Variants in SLC30A8 observed in about 807,000 individuals in gnomAD.
SLC30A8 encodes solute carrier family 30 member 8.
In SLC30A8, 27 loss-of-function variants were observed where a neutral mutation model predicts 36.9. The observed-to-expected ratio is 0.73, with a 90% confidence interval of 0.54 to 1.01. SLC30A8 has a LOEUF of 1.01. Ranked by LOEUF, SLC30A8 falls within the 50% of genes least tolerant of loss-of-function variation. The pLI is 0.00. For synonymous variants in SLC30A8, 164 were observed against 172.4 expected, an observed-to-expected ratio of 0.95 and a Z score of 0.38; for missense variants, 439 against 452.0, an observed-to-expected ratio of 0.97 and a Z score of 0.26.
At chr8:117,024,334 A>G (rs1344546565) in intron 1 of SLC30A8, among the ~76,000 whole-genome samples, 1 of 152,206 alleles carries the variant, frequency 6.6e-6, no homozygotes, top group African/African-American at 2.4e-5. Flanking sequence ...TAATTCTTTG[A>G]GCTATTACAA....
At chr8:117,085,436 A>T (rs1818838766) in intron 2 of SLC30A8, among the ~76,000 whole-genome samples, 1 of 152,184 alleles carries the variant, frequency 6.6e-6, no homozygotes, top group African/African-American at 2.4e-5. Flanking sequence ...TGATGTCTAC[A>T]CTAAATGGAA....
intron 1 of SLC30A8, among the ~76,000 whole-genome samples, chr8:117,018,673 C>CT (rs1273478052): frequency 7.2e-5 from 9 of 124,896 alleles, no homozygotes; most frequent in Admixed American, 7.1e-4. Flanking sequence ...GCCCCCCCCC[C>CT]CCTTTTTTTT....
intron 1 of SLC30A8, among the ~76,000 whole-genome samples, chr8:116,991,154 G>T (rs536394738): frequency 6.6e-6 from 1 of 152,046 alleles, no homozygotes; most frequent in African/African-American, 2.4e-5. Context: ...CTTTACGAAT[G>T]AGATTCTAGA....
chr8:117,171,194 G>GA, intron 7 of SLC30A8, 26 bp downstream of exon 7: 1 of 1,612,514 alleles, frequency 6.2e-7, no homozygotes. Flanking sequence ...AAACACCCTG[G>GA]AAAAAATTCA....
chr8:117,144,950 C>T (rs1309889458), intron 1 of SLC30A8, among the ~76,000 whole-genome samples: 2 of 152,090 alleles, frequency 1.3e-5, no homozygotes, highest in Non-Finnish European at 2.9e-5. Flanking sequence ...AATCCACATG[C>T]ACATCAAGAC....
chr8:116,983,287 T>C (rs1815338167), intron 1 of SLC30A8, among the ~76,000 whole-genome samples: 1 of 152,178 alleles, frequency 6.6e-6, no homozygotes, highest in Non-Finnish European at 1.5e-5. Context: ...TCACCTTTTA[T>C]TTTTAATTGT....
Position 117,135,233 on chromosome 8 carries a change from A to G in SLC30A8, c.-95A>G. On this transcript the variant is annotated 5_prime_UTR_variant, in exon 1 of 8. Transcript: ENST00000456015. ...GGAGCCTTTTAATTTTTTCTTTAGA[A>G]AGTGTATAAATAATTGCAGTGCTGC... 1.4e-6 allele frequency: 1 copy of G among 736,632 alleles called. No homozygotes were observed. The highest frequency in any genetic ancestry group is 3.2e-5 in the South Asian group (1 of 31,092). The allele number at this position is 736,632 out of a possible 1,614,324, so 45.6% of individuals were successfully genotyped here. A position where few individuals can be genotyped will look rare whatever the true frequency, so the allele number is the denominator to read the frequency against.
At chr8:116,953,951 G>C (rs986674552) in intron 1 of SLC30A8, among the ~76,000 whole-genome samples, 2 of 152,184 alleles carry the variant, frequency 1.3e-5, no homozygotes, top group African/African-American at 2.4e-5. Context: ...TGGAAAGAAT[G>C]AATCTGAGGG....
chr8:117,068,552 G>A (rs1818235544), intron 2 of SLC30A8, among the ~76,000 whole-genome samples: 1 of 152,044 alleles, frequency 6.6e-6, no homozygotes, highest in South Asian at 2.1e-4. Context: ...ATCTCAGTGA[G>A]CATCACCACT....
At chr8:116,995,894 G>GA (rs1382438914) in intron 1 of SLC30A8, among the ~76,000 whole-genome samples, 3 of 151,286 alleles carry the variant, frequency 2.0e-5, no homozygotes, top group Admixed American at 6.6e-5. Flanking sequence ...TCACTTGATA[G>GA]AAAAAAATGC....
intron 2 of SLC30A8, among the ~76,000 whole-genome samples, chr8:117,126,418 G>A (rs1358927649): frequency 6.6e-6 from 1 of 151,784 alleles, no homozygotes; most frequent in Admixed American, 6.6e-5. Context: ...AAGAAAACAG[G>A]TTCAGAAAGA....
At chr8:117,161,153 T>A (rs561451967) in intron 4 of SLC30A8, among the ~76,000 whole-genome samples, 116 of 152,366 alleles carry the variant, frequency 7.6e-4, no homozygotes, top group South Asian at 4.8e-3. Flanking sequence ...AATATATTTC[T>A]ACTTCTGGAT....
intron 1 of SLC30A8, among the ~76,000 whole-genome samples, chr8:116,995,721 G>T (rs187418108): frequency 1.3e-5 from 2 of 152,164 alleles, no homozygotes; most frequent in Admixed American, 6.5e-5. Context: ...AGTGAAGTAT[G>T]TGGAGTCCTA....
intron 1 of SLC30A8, among the ~76,000 whole-genome samples, chr8:116,986,317 A>C (rs1387101610): frequency 6.6e-6 from 1 of 152,110 alleles, no homozygotes; most frequent in African/African-American, 2.4e-5. Context: ...GTCTGGTAGG[A>C]GAGTGGGAGA....
intron 2 of SLC30A8, among the ~76,000 whole-genome samples, chr8:117,114,653 C>T (rs1820368579): frequency 6.6e-6 from 1 of 152,040 alleles, no homozygotes; most frequent in Admixed American, 6.6e-5. Context: ...TCAGCAGATT[C>T]TCATCTAAGT....
chr8:117,167,804 G>T (rs1823140594), intron 6 of SLC30A8, among the ~76,000 whole-genome samples: 1 of 152,076 alleles, frequency 6.6e-6, no homozygotes, highest in African/African-American at 2.4e-5. Flanking sequence ...TCCTAGAAGT[G>T]ATATTGCTGT....
At chr8:116,956,674 A>T (rs1814217296) in intron 1 of SLC30A8, among the ~76,000 whole-genome samples, 1 of 152,238 alleles carries the variant, frequency 6.6e-6, no homozygotes, top group Non-Finnish European at 1.5e-5. Context: ...AATCCCATGG[A>T]GAATTACAGA....
chr8:117,021,574 T>G (rs1386695809), intron 1 of SLC30A8, among the ~76,000 whole-genome samples: 1 of 152,192 alleles, frequency 6.6e-6, no homozygotes, highest in Non-Finnish European at 1.5e-5. Context: ...AGCACATTCA[T>G]CCACATTTTC....
At chr8:117,148,343 C>T (rs929017780) in intron 2 of SLC30A8, among the ~76,000 whole-genome samples, 1 of 151,892 alleles carries the variant, frequency 6.6e-6, no homozygotes, top group Non-Finnish European at 1.5e-5. Context: ...TTATTTTCCC[C>T]ATTGATTTTT....
Sources: allele counts gnomAD v4.1 joint callset (sites outside exome capture counted in the v4.1 genomes callset), GRCh38; gene constraint gnomAD v4.1.1; transcripts MANE v1.5; gene names NCBI Gene and HGNC (gene_info 2026-07-23, HGNC 2026-07-21).